The following NOX1 variants were observed in gnomAD, a reference collection of about 807,000 sequenced individuals.
NOX1 encodes the protein NADH/NADPH mitogenic oxidase subunit P65-MOX.
A neutral mutation model predicts 42.5 loss-of-function variants in NOX1; 34 were observed. That is an observed-to-expected ratio of 0.80 (90% CI 0.61 to 1.07). NOX1 has a LOEUF of 1.07. NOX1 is among the 50% of genes least tolerant of loss of function. NOX1 has a pLI of 0.00. For synonymous variants in NOX1, 143 were observed against 152.5 expected (o/e 0.94, Z 0.46); for missense variants, 408 against 427.0 (o/e 0.96, Z 0.39).
chrX:100,861,419 C>T (rs538141043), intron 7 of NOX1, among the ~76,000 whole-genome samples: 13 of 111,621 alleles, frequency 1.2e-4, no homozygotes, highest in African/African-American at 4.2e-4. Context: ...TCAGAATACT[C>T]TGAGGCACCA....
At chrX:100,856,373 T>C (rs751548101) in intron 7 of NOX1, 86 of 529,010 alleles carry the variant, frequency 1.6e-4, no homozygotes, top group Non-Finnish European at 2.8e-4. Flanking sequence ...AGACTCTGAC[T>C]TAGACAAGAT....
chrX:100,849,166 A>G (rs1340908778), intron 11 of NOX1, 114 bp downstream of exon 11: 2 of 772,837 alleles, frequency 2.6e-6, no homozygotes, highest in Non-Finnish European at 3.7e-6. Flanking sequence ...CTTGTGTGTG[A>G]GTGTGAGGGC....
At chrX:100,854,283 G>A (rs1224851882) in intron 7 of NOX1, among the ~76,000 whole-genome samples, 1 of 111,901 alleles carries the variant, frequency 8.9e-6, no homozygotes, top group Admixed American at 9.5e-5. Flanking sequence ...TACAATAAAT[G>A]TATATTATTT....
chrX:100,872,600 A>G (rs1202749929), intron 1 of NOX1, among the ~76,000 whole-genome samples: 1 of 111,554 alleles, frequency 9.0e-6, no homozygotes, highest in Non-Finnish European at 1.9e-5. Context: ...TCAAAGCTAG[A>G]GAGTTAAATG....
chrX:100,853,261 CCTTTCTTTCTTTCTTTCTTTCTTT>C (rs1177925812), intron 7 of NOX1, among the ~76,000 whole-genome samples: 1 of 23,450 alleles, frequency 4.3e-5, no homozygotes, highest in South Asian at 1.8e-3. Flanking sequence ...TTCCTTCCTT[CCTTTCTTTCTTTCTTTCTTTCTTT>C]CTTTCTTTCT....
chrX:100,845,773 G>T (rs1413634558), intron 12 of NOX1, among the ~76,000 whole-genome samples: 2 of 91,532 alleles, frequency 2.2e-5, no homozygotes, highest in Admixed American at 1.3e-4. Flanking sequence ...CCGCCACCAT[G>T]CCCAGCTAAT....
intron 7 of NOX1, chrX:100,855,423 A>G (rs1409385242): frequency 1.2e-5 from 8 of 656,452 alleles, no homozygotes; most frequent in Non-Finnish European, 2.0e-5. Flanking sequence ...TCCTCCCTTC[A>G]TGGGTCCAAA....
chrX:100,844,885 T>C (rs755054909), intron 12 of NOX1, among the ~76,000 whole-genome samples: 55 of 112,023 alleles, frequency 4.9e-4, no homozygotes, highest in African/African-American at 1.6e-3. Context: ...TACATATGTA[T>C]TAGCTCCCAT....
intron 7 of NOX1, among the ~76,000 whole-genome samples, chrX:100,857,769 G>C (rs375827232): frequency 1.1e-4 from 11 of 96,641 alleles, no homozygotes; most frequent in African/African-American, 2.5e-4. Context: ...GTGTTTTTTT[G>C]TTGTTGTTGT....
intron 12 of NOX1, among the ~76,000 whole-genome samples, chrX:100,845,086 G>A (rs756420120): frequency 2.7e-5 from 3 of 110,631 alleles, no homozygotes; most frequent in East Asian, 2.8e-4. Flanking sequence ...CATAAAATTC[G>A]CCCCTTTGAA....
intron 12 of NOX1, among the ~76,000 whole-genome samples, chrX:100,847,370 G>A (rs949004401): frequency 5.4e-5 from 6 of 111,374 alleles, no homozygotes; most frequent in African/African-American, 2.0e-4. Context: ...AGGTGATTGT[G>A]TGCATCTCTT....
At position 100,843,893 on chromosome X, in the gene NOX1, A is replaced by G. The variant is rs1226190009; in HGVS notation, c.*59T>C. ...TGACTGCTCAAACCTGACGAGACCAAGTAAATTACTGAAGATACAAAGAGA... is the reference window on the plus strand; with the variant it reads ...TGACTGCTCAAACCTGACGAGACCAGGTAAATTACTGAAGATACAAAGAGA... On this transcript the variant is annotated 3_prime_UTR_variant, in exon 13 of 13. Transcript: ENST00000372966. 2 of 1,061,885 alleles carry G rather than the reference A, an allele frequency of 1.9e-6. No homozygotes were observed. The highest frequency in any genetic ancestry group is 3.1e-5 in the East Asian group (1 of 32,735). 87.5% of individuals were successfully genotyped at this position (1,061,885 alleles called of 1,213,427 possible).
At position 100,873,418 on chromosome X, in the gene NOX1, C is replaced by T. The variant is rs188822284; in HGVS notation, c.45+677G>A. On this transcript the variant is annotated intron_variant, in intron 1 of 12. Coordinates refer to ENST00000372966, the MANE Select transcript of NOX1 (RefSeq NM_007052.5). ...CATCTGCACTATGCAATGCCACAGC[C>T]ACTACCCACATGGGGCTGCTGAGCA... 1.4e-4 allele frequency among the ~76,000 whole-genome samples: 16 copies of T among 112,050 alleles called. No individual in the cohort carries two copies. In the East Asian group the frequency reaches 4.5e-3, roughly 31 times the overall value.
intron 7 of NOX1, among the ~76,000 whole-genome samples, chrX:100,858,164 T>C (rs2085179966): frequency 1.8e-5 from 2 of 112,149 alleles, no homozygotes; most frequent in South Asian, 7.5e-4. Context: ...TAGCCGGTTA[T>C]CCCAGCACCA....
intron 7 of NOX1, among the ~76,000 whole-genome samples, chrX:100,851,995 A>AG (rs2085117899): frequency 8.9e-6 from 1 of 112,359 alleles, no homozygotes; most frequent in African/African-American, 3.2e-5. Context: ...AAAAACCAAC[A>AG]GAGAAAGTAG....
chrX:100,863,274 T>C lies in NOX1; in HGVS notation c.253-31A>G, dbSNP rs1333131683. ...AATGTAGAATGATCATGGTCAGATG[T>C]CGCCAGCCAGCTTTATTAAATTCAC... is the stretch of plus-strand genomic sequence containing the variant. On this transcript the variant is annotated intron_variant, in intron 3 of 12. Coordinates refer to ENST00000372966, the MANE Select transcript of NOX1 (RefSeq NM_007052.5). 3 of 1,098,660 alleles carry C rather than the reference T, an allele frequency of 2.7e-6. No individual in the cohort carries two copies. In the African/African-American group the frequency reaches 5.4e-5, roughly 20 times the overall value. The allele number at this position is 1,098,660 out of a possible 1,213,427, so 90.5% of individuals were successfully genotyped here. A position where few individuals can be genotyped will look rare whatever the true frequency, so the allele number is the denominator to read the frequency against.
rs760854036 is a variant in NOX1, at chrX:100,848,774, A to T, written c.1444-20T>A. The T allele has an allele frequency of 2.5e-6, 3 of 1,205,929 alleles. No homozygotes were observed. Among genetic ancestry groups the T allele is most frequent in the South Asian group, 1.8e-5 (1 of 56,747 alleles). Reference sequence around the variant, plus strand: ...ACCAACCTGGATTCAGAGGAATAAAAGTTAGAAAAACCAAGTCCTAGGCTG... The same window carrying T: ...ACCAACCTGGATTCAGAGGAATAAATGTTAGAAAAACCAAGTCCTAGGCTG... On this transcript the variant is annotated intron_variant, in intron 11 of 12. Coordinates refer to ENST00000372966, the MANE Select transcript of NOX1 (RefSeq NM_007052.5).
At chrX:100,845,614 T>G (rs926876475) in intron 12 of NOX1, among the ~76,000 whole-genome samples, 1 of 89,401 alleles carries the variant, frequency 1.1e-5, no homozygotes, top group African/African-American at 4.2e-5. Flanking sequence ...ACTATGTGTT[T>G]TTTTTTTTTT....
At chrX:100,871,839 A>G (rs187750050) in intron 1 of NOX1, among the ~76,000 whole-genome samples, 1 of 112,119 alleles carries the variant, frequency 8.9e-6, no homozygotes, top group African/African-American at 3.2e-5. Flanking sequence ...CCCTAGATCT[A>G]GACCACTCAC....
Sources: gnomAD v4.1 joint callset for allele counts (sites outside exome capture counted in the v4.1 genomes callset) on GRCh38, gnomAD v4.1.1 for gene constraint, MANE v1.5 for transcripts, NCBI Gene and HGNC (gene_info 2026-07-23, HGNC 2026-07-21) for gene names.